GABRA3: variants seen among roughly 807,000 people sequenced by gnomAD.
GABRA3 encodes gamma-aminobutyric acid type A receptor subunit alpha3.
A neutral mutation model predicts 30.1 loss-of-function variants in GABRA3; 10 were observed. The ratio of observed to expected loss-of-function variants is 0.33; its 90% confidence interval spans 0.20 to 0.56. GABRA3 has a LOEUF of 0.56. GABRA3 is among the 20% of genes least tolerant of loss of function. The pLI is 0.89. For missense variants in GABRA3, 233 were observed against 392.0 expected, an observed-to-expected ratio of 0.59 and a Z score of 3.42; for synonymous variants, 151 against 146.8, an observed-to-expected ratio of 1.03 and a Z score of -0.21.
chrX:152,300,144 C>A (rs1379150647), intron 3 of GABRA3, among the ~76,000 whole-genome samples: 1 of 112,466 alleles, frequency 8.9e-6, no homozygotes, highest in Admixed American at 9.4e-5. Context: ...ATATTTAAAC[C>A]ACTACATAAA....
chrX:152,356,677 A>G (rs996742603), intron 2 of GABRA3, among the ~76,000 whole-genome samples: 112 of 111,162 alleles, frequency 1.0e-3, no homozygotes, highest in African/African-American at 3.5e-3. Context: ...TGGTGTACAG[A>G]TATTTCGTCA....
intron 5 of GABRA3, among the ~76,000 whole-genome samples, chrX:152,234,314 G>T (rs1021080553): frequency 1.6e-4 from 18 of 111,069 alleles, no homozygotes; most frequent in Admixed American, 3.8e-4. Context: ...TTTTAATGGG[G>T]TTATTTTTGT....
At chrX:152,387,380 T>C (rs1310351276) in intron 1 of GABRA3, among the ~76,000 whole-genome samples, 1 of 111,653 alleles carries the variant, frequency 9.0e-6, no homozygotes, top group Non-Finnish European at 1.9e-5. Flanking sequence ...TATTTTGTTA[T>C]ACATATAATA....
intron 3 of GABRA3, among the ~76,000 whole-genome samples, chrX:152,294,780 T>C (rs182297195): frequency 4.4e-4 from 49 of 111,979 alleles, no homozygotes; most frequent in Admixed American, 2.0e-3. Flanking sequence ...CTACCTTTGG[T>C]CTTTGATGAT....
At chrX:152,343,976 T>C (rs1940353819) in intron 3 of GABRA3, among the ~76,000 whole-genome samples, 1 of 111,346 alleles carries the variant, frequency 9.0e-6, no homozygotes, top group African/African-American at 3.3e-5. Context: ...TGTGTGTATA[T>C]GTGTGAGTGT....
chrX:152,208,765 C>T (rs1603209569), intron 6 of GABRA3, among the ~76,000 whole-genome samples: 1 of 111,683 alleles, frequency 9.0e-6, no homozygotes, highest in South Asian at 3.8e-4. Flanking sequence ...TCATGTGACA[C>T]GCTGGCTTGC....
At chrX:152,185,736 G>A (rs1365069203) in intron 9 of GABRA3, among the ~76,000 whole-genome samples, 1 of 111,751 alleles carries the variant, frequency 8.9e-6, no homozygotes, top group Non-Finnish European at 1.9e-5. Context: ...AAATCAAATA[G>A]GGCTTATGCT....
intron 3 of GABRA3, among the ~76,000 whole-genome samples, chrX:152,324,963 T>C (rs1419578421): frequency 8.9e-6 from 1 of 111,888 alleles, no homozygotes; most frequent in Non-Finnish European, 1.9e-5. Context: ...GCCAATTTTA[T>C]TTTTAGGTTA....
At chrX:152,392,308 C>T (rs750500769) in intron 1 of GABRA3, 4 of 386,259 alleles carry the variant, frequency 1.0e-5, no homozygotes, top group South Asian at 9.4e-5. Flanking sequence ...CACTCAGGTT[C>T]TGCAACAGAA....
chrX:152,444,819 T>C (rs1190872908), intron 1 of GABRA3, among the ~76,000 whole-genome samples: 8 of 90,380 alleles, frequency 8.9e-5, no homozygotes, highest in African/African-American at 3.1e-4. Context: ...CCCAGCACTT[T>C]GGGAGGCCGA....
At chrX:152,276,112 AAC>A (rs199686918) in intron 4 of GABRA3, among the ~76,000 whole-genome samples, 74 of 109,137 alleles carry the variant, frequency 6.8e-4, no homozygotes, top group Middle Eastern at 4.7e-3. Context: ...TTCATTATTA[AAC>A]ACACACACAC....
intron 6 of GABRA3, among the ~76,000 whole-genome samples, chrX:152,214,406 T>C (rs141640021): frequency 0.024 from 2,676 of 111,334 alleles, 44 homozygotes; most frequent in Middle Eastern, 0.07. Flanking sequence ...CATACAATTG[T>C]AGGTGTCTTT....
Position 152,364,526 on chromosome X carries a change from C to A in GABRA3, c.45G>T (p.Gly15=). ...QTSHCYMTSL[G]ILFLINILPG... The stretch of plus-strand genomic sequence containing the variant: ...GGAGAATATTAATCAGGAAAAGAAT[C>A]CCAAGGCTGGTCATGTAACAGTGAC... The change falls in exon 2 of 10, where the codon GGG becomes GGT. Residue 15 remains glycine (G), a synonymous_variant. Coordinates refer to ENST00000370314, the MANE Select transcript of GABRA3 (RefSeq NM_000808.4). 1.7e-6 allele frequency: 2 copies of A among 1,208,878 alleles called. No individual in the cohort carries two copies. The highest frequency in any genetic ancestry group is 3.5e-5 in the South Asian group (2 of 56,708).
At chrX:152,434,124 C>T (rs768467007) in intron 1 of GABRA3, among the ~76,000 whole-genome samples, 5 of 111,219 alleles carry the variant, frequency 4.5e-5, no homozygotes, top group Non-Finnish European at 9.4e-5. Context: ...AGTATTGATC[C>T]TGGGTGTATC....
At chrX:152,190,256 T>C (rs991027644) in intron 8 of GABRA3, among the ~76,000 whole-genome samples, 2 of 108,712 alleles carry the variant, frequency 1.8e-5, no homozygotes, top group East Asian at 5.8e-4. Flanking sequence ...GCATTTTAAT[T>C]AGAAAAAAAA....
At chrX:152,375,950 G>A (rs1302846535) in intron 1 of GABRA3, among the ~76,000 whole-genome samples, 2 of 111,398 alleles carry the variant, frequency 1.8e-5, no homozygotes, top group African/African-American at 6.5e-5. Context: ...ATATCCCCTT[G>A]GATCTCTTCA....
At chrX:152,395,460 G>C (rs1012525667) in intron 1 of GABRA3, among the ~76,000 whole-genome samples, 9 of 111,343 alleles carry the variant, frequency 8.1e-5, no homozygotes, top group African/African-American at 2.9e-4. Context: ...AAATACACAA[G>C]CAGTTGGCTA....
rs1341966287 is a variant in GABRA3, at chrX:152,364,454, G to T, written c.117C>A (p.Asp39Glu). 2 of 1,207,359 alleles carry T rather than the reference G, an allele frequency of 1.7e-6. No individual in the cohort carries two copies. Among genetic ancestry groups the T allele is most frequent in the Non-Finnish European group, 2.2e-6 (2 of 893,978 alleles). The stretch of plus-strand genomic sequence containing the variant: ...ACCCGCCAATGTCCTGCTTCACAAA[G>T]TCCCCGGGTTCTTGTCGTCTTGATT... Reference protein sequence around the residue: ...QGESRRQEPGDFVKQDIGGLS... With the variant: ...QGESRRQEPGEFVKQDIGGLS... The change falls in exon 2 of 10, where the codon GAC becomes GAA. Residue 39 changes from aspartate to glutamate, a missense_variant. By Grantham distance (45) the Asp-to-Glu change is conservative. Around this residue, in one of 6 missense-constraint regions of GABRA3, gnomAD observed 69 missense variants for 79.4 expected, o/e 0.87. Transcript: ENST00000370314.
intron 8 of GABRA3, among the ~76,000 whole-genome samples, chrX:152,195,593 C>T (rs1907600): frequency 0.22 from 23,891 of 110,909 alleles, 1,889 homozygotes; most frequent in Admixed American, 0.27. Flanking sequence ...AGCTGTATGA[C>T]GGATTCCTTC....
Sources: gnomAD v4.1 joint callset for allele counts (sites outside exome capture counted in the v4.1 genomes callset) on GRCh38, gnomAD v4.1.1 for gene constraint, gnomAD v4.1.1 regional missense constraint, MANE v1.5 for transcripts, NCBI Gene and HGNC (gene_info 2026-07-23, HGNC 2026-07-21) for gene names.